The following SYT16 variants were observed in gnomAD, a reference collection of about 807,000 sequenced individuals.
SYT16 encodes synaptotagmin 16, also known as synaptotagmin-16.
SYT16 carries 42 observed loss-of-function variants against 61.4 expected under a neutral mutation model. The observed-to-expected ratio is 0.68, with a 90% CI of 0.53 to 0.89. The LOEUF (loss-of-function observed/expected upper bound fraction) is 0.89, where lower values mean the gene tolerates loss of function less well. SYT16 is among the 40% of genes least tolerant of loss of function. SYT16 has a pLI of 0.00. For missense variants in SYT16, 804 were observed against 807.3 expected (o/e 1.00, Z 0.05); for synonymous variants, 314 against 302.3 (o/e 1.04, Z -0.40).
rs141823805 is a variant in SYT16 at position 62,062,899 on chromosome 14, T to A, written c.524-6704T>A. Among the ~76,000 whole-genome samples the A allele has an allele frequency of 1.9e-3, 289 of 152,314 alleles. 1 individual carries two copies. The highest frequency in any genetic ancestry group is 6.7e-3 in the African/African-American group (280 of 41,572). On this transcript the variant is annotated intron_variant, in intron 3 of 7. Coordinates refer to ENST00000683842, the MANE Select transcript of SYT16 (RefSeq NM_001367656.1). ...TTGCCTCCACTGCATTGCTCCTATG[T>A]GGGTGGGAAGGAATTAATAGGCTTG... is the stretch of plus-strand genomic sequence containing the variant.
At chr14:62,074,759 G>C (rs2056422934) in intron 4 of SYT16, among the ~76,000 whole-genome samples, 1 of 152,112 alleles carries the variant, frequency 6.6e-6, no homozygotes, top group African/African-American at 2.4e-5. Flanking sequence ...AAGGAAGCAT[G>C]GTAGAGTCGG....
chr14:61,989,078 C>T (rs562043362), intron 2 of SYT16, among the ~76,000 whole-genome samples: 1 of 152,050 alleles, frequency 6.6e-6, no homozygotes, highest in South Asian at 2.1e-4. Flanking sequence ...AGTTTTTATT[C>T]ATATAAGTTG....
At position 61,996,097 on chromosome 14, in the gene SYT16, A is replaced by C. The variant is rs771058441; in HGVS notation, c.78A>C (p.Glu26Asp). The C allele has an allele frequency of 3.7e-6, 6 of 1,612,882 alleles. No individual in the cohort carries two copies. Among genetic ancestry groups the C allele is most frequent in the Non-Finnish European group, 5.1e-6 (6 of 1,179,338 alleles). The change falls in exon 3 of 8, where the codon GAA (glutamate) becomes GAC (aspartate). Residue 26 changes from glutamate (E) to aspartate (D), a missense_variant. By Grantham distance (45) the Glu-to-Asp change is conservative. Transcript: ENST00000683842. Reference sequence around the variant, plus strand: ...CTTCCTGGATATCTCGGGTTTATGAAGCTCTCCAGCAAGCAGGAGATATGT... The same window carrying C: ...CTTCCTGGATATCTCGGGTTTATGACGCTCTCCAGCAAGCAGGAGATATGT... ...PFSSWISRVY[E>D]ALQQAGDMLS...
chr14:62,052,232 A>G (rs1470989972), intron 3 of SYT16, among the ~76,000 whole-genome samples: 1 of 152,064 alleles, frequency 6.6e-6, no homozygotes, highest in Admixed American at 6.5e-5. Flanking sequence ...TTTAAGTACC[A>G]CTTTAACTAT....
intron 1 of SYT16, among the ~76,000 whole-genome samples, chr14:61,920,027 G>A (rs2049270649): frequency 6.6e-6 from 1 of 151,990 alleles, no homozygotes; most frequent in Admixed American, 6.6e-5. Flanking sequence ...AGAAAGTATT[G>A]AACTGCTGGA....
At chr14:61,858,859 C>CTTTT (rs541030567) in intron 1 of SYT16, among the ~76,000 whole-genome samples, 2,698 of 138,874 alleles carry the variant, frequency 0.019, 75 homozygotes, top group African/African-American at 0.052. Context: ...CTTTTCTTTT[C>CTTTT]TTTTTTTTTT....
intron 1 of SYT16, among the ~76,000 whole-genome samples, chr14:61,838,046 G>T (rs1480276743): frequency 6.6e-6 from 1 of 152,200 alleles, no homozygotes; most frequent in African/African-American, 2.4e-5. Flanking sequence ...TGTGTTCAAA[G>T]CAAGAATAGG....
rs148280696 is a variant in SYT16 at position 62,072,983 on chromosome 14, T to C, written c.737-2152T>C. On this transcript the variant is annotated intron_variant, in intron 4 of 7. Coordinates refer to ENST00000683842, the MANE Select transcript of SYT16 (RefSeq NM_001367656.1). Reference sequence around the variant, plus strand: ...GACAACAGGCAATTACTTTTGTGCGTCTATTGAAGGTGTCATGATCTTCTT... The same window carrying C: ...GACAACAGGCAATTACTTTTGTGCGCCTATTGAAGGTGTCATGATCTTCTT... Among the ~76,000 whole-genome samples the C allele has an allele frequency of 5.3e-3, 807 of 152,222 alleles. 3 individuals carry two copies. Among genetic ancestry groups the C allele is most frequent in the Non-Finnish European group, 9.0e-3 (612 of 68,010 alleles).
At chr14:61,858,346 A>G (rs896589358) in intron 1 of SYT16, among the ~76,000 whole-genome samples, 1 of 152,108 alleles carries the variant, frequency 6.6e-6, no homozygotes, top group African/African-American at 2.4e-5. Context: ...CATATGCTCA[A>G]TGTTATTACA....
intron 2 of SYT16, among the ~76,000 whole-genome samples, chr14:61,976,931 C>G (rs965925425): frequency 7.2e-5 from 11 of 152,038 alleles, no homozygotes; most frequent in Non-Finnish European, 1.6e-4. Context: ...CTCTGCTTTC[C>G]TTTTAAACAT....
chr14:62,099,870 CTTGT>C (rs1174011108), intron 7 of SYT16, among the ~76,000 whole-genome samples: 1 of 121,196 alleles, frequency 8.3e-6, no homozygotes, highest in African/African-American at 3.1e-5. Flanking sequence ...GGAGCAAGAC[CTTGT>C]GTGTCTGTCT....
chr14:62,055,038 A>G (rs2055486526), intron 3 of SYT16, among the ~76,000 whole-genome samples: 2 of 152,208 alleles, frequency 1.3e-5, no homozygotes, highest in African/African-American at 4.8e-5. Flanking sequence ...TAAAATGTTG[A>G]CTCAACATTT....
intron 1 of SYT16, among the ~76,000 whole-genome samples, chr14:61,947,838 G>A (rs2050508874): frequency 6.6e-6 from 1 of 152,152 alleles, no homozygotes; most frequent in Non-Finnish European, 1.5e-5. Context: ...CTGCCAGGTG[G>A]GACTTGGATA....
At chr14:62,097,654 A>C (rs1566846904) in intron 7 of SYT16, among the ~76,000 whole-genome samples, 1 of 152,196 alleles carries the variant, frequency 6.6e-6, no homozygotes, top group Non-Finnish European at 1.5e-5. Flanking sequence ...GTGTCTTCAG[A>C]CTGGATTGCT....
At chr14:61,864,228 C>G (rs1451218569) in intron 1 of SYT16, among the ~76,000 whole-genome samples, 2 of 152,212 alleles carry the variant, frequency 1.3e-5, no homozygotes, top group African/African-American at 4.8e-5. Flanking sequence ...GGAGGTACTC[C>G]CCTTACAGGC....
intron 1 of SYT16, among the ~76,000 whole-genome samples, chr14:61,898,494 G>A (rs911390994): frequency 6.6e-6 from 1 of 152,168 alleles, no homozygotes; most frequent in Non-Finnish European, 1.5e-5. Context: ...TGAGGTTTAG[G>A]GAGTTGTCAG....
At chr14:61,963,149 T>G (rs528994084) in intron 1 of SYT16, among the ~76,000 whole-genome samples, 2 of 152,252 alleles carry the variant, frequency 1.3e-5, no homozygotes, top group East Asian at 3.9e-4. Context: ...CACAACAATA[T>G]TAAAATTAGG....
chr14:61,886,145 T>C (rs1265989697), intron 1 of SYT16, among the ~76,000 whole-genome samples: 1 of 152,044 alleles, frequency 6.6e-6, no homozygotes. Flanking sequence ...TTTGTATTTT[T>C]AGTAGAGATG....
chr14:61,885,856 C>CT (rs2047879113), intron 1 of SYT16, among the ~76,000 whole-genome samples: 1 of 151,950 alleles, frequency 6.6e-6, no homozygotes. Flanking sequence ...CAACAGTCAT[C>CT]TAAGTCTTCA....
Sources: gnomAD v4.1 joint callset for allele counts (sites outside exome capture counted in the v4.1 genomes callset) on GRCh38, gnomAD v4.1.1 for gene constraint, MANE v1.5 for transcripts, NCBI Gene and HGNC (gene_info 2026-07-23, HGNC 2026-07-21) for gene names.